RBBP4: variants seen among roughly 807,000 people sequenced by gnomAD.
RBBP4 encodes the protein RB binding protein 4, chromatin remodeling factor, also known as histone-binding protein RBBP4.
A neutral mutation model predicts 57.2 loss-of-function variants in RBBP4; 3 were observed. The ratio of observed to expected loss-of-function variants is 0.05; its 90% confidence interval spans 0.02 to 0.14. The LOEUF (loss-of-function observed/expected upper bound fraction) is 0.14. Ranked by LOEUF, RBBP4 falls within the 10% of genes least tolerant of loss-of-function variation. RBBP4 has a pLI of 1.00. For missense variants in RBBP4, 107 were observed against 520.6 expected, an observed-to-expected ratio of 0.21 and a Z score of 7.73; for synonymous variants, 151 against 171.5, an observed-to-expected ratio of 0.88 and a Z score of 0.93.
intron 1 of RBBP4, 160 bp downstream of exon 1, chr1:32,651,482 G>A (rs1056944130): frequency 3.4e-5 from 47 of 1,363,834 alleles, no homozygotes; most frequent in Admixed American, 1.5e-4. Context: ...CTAACGGCTC[G>A]CCAGTTCCCT....
rs1442680417 is a variant in RBBP4, at chr1:32,682,114, T to G, written c.*2409T>G. 6.2e-6 allele frequency: 3 copies of G among 481,000 alleles called. No individual in the cohort carries two copies. The highest frequency in any genetic ancestry group is 3.7e-5 in the Admixed American group (1 of 27,346). The allele number at this position is 481,000 out of a possible 1,614,324, so 29.8% of individuals were successfully genotyped here. Reference sequence around the variant, plus strand: ...CAATGCCTGAAATTCTGTAGTTTCATTTCTTTGGATTAGTCGTTGTCTTTT... The same window carrying G: ...CAATGCCTGAAATTCTGTAGTTTCAGTTCTTTGGATTAGTCGTTGTCTTTT... On this transcript the variant is annotated 3_prime_UTR_variant, in exon 12 of 12. Transcript: ENST00000373493.
At chr1:32,672,065 C>T (rs1648902285) in intron 8 of RBBP4, among the ~76,000 whole-genome samples, 1 of 152,026 alleles carries the variant, frequency 6.6e-6, no homozygotes, top group Admixed American at 6.6e-5. Flanking sequence ...ACGATCTCAG[C>T]TCCAACCTCT....
intron 3 of RBBP4, among the ~76,000 whole-genome samples, chr1:32,664,697 C>T (rs867143903): frequency 2.6e-5 from 4 of 152,162 alleles, no homozygotes; most frequent in Admixed American, 2.0e-4. Context: ...GTGATCCACC[C>T]GTCTCGGCCT....
intron 2 of RBBP4, 172 bp downstream of exon 2, chr1:32,652,233 T>G (rs2148512182): frequency 1.4e-6 from 1 of 737,584 alleles, no homozygotes; most frequent in African/African-American, 1.8e-5. Context: ...ATTTTGTAAC[T>G]TACCTGACAA....
chr1:32,670,649 T>G (rs569365029), intron 8 of RBBP4, among the ~76,000 whole-genome samples: 1 of 152,250 alleles, frequency 6.6e-6, no homozygotes, highest in African/African-American at 2.4e-5. Flanking sequence ...CTCGGCTCAC[T>G]GCAACCTCCA....
intron 4 of RBBP4, 97 bp downstream of exon 4, chr1:32,668,495 A>G: frequency 7.8e-7 from 1 of 1,282,004 alleles, no homozygotes; most frequent in South Asian, 1.4e-5. Flanking sequence ...TGTGTAATTT[A>G]ACATCTTGTG....
At chr1:32,658,600 G>T (rs1279865286) in intron 3 of RBBP4, among the ~76,000 whole-genome samples, 1 of 148,154 alleles carries the variant, frequency 6.7e-6, no homozygotes, top group Non-Finnish European at 1.5e-5. Flanking sequence ...AGGCTGGAGT[G>T]CAGTGGCGCG....
chr1:32,671,732 CA>C, intron 8 of RBBP4, among the ~76,000 whole-genome samples: 1 of 149,862 alleles, frequency 6.7e-6, no homozygotes, highest in South Asian at 2.1e-4. Context: ...CATCTCTACA[CA>C]AATACAAAAA....
In RBBP4 at chr1:32,669,454, T is replaced by C. The variant is rs749272506; in HGVS notation, c.889-32T>C. 1 of 1,569,470 alleles carries C rather than the reference T, an allele frequency of 6.4e-7. No individual in the cohort carries two copies. Among genetic ancestry groups the C allele is most frequent in the Non-Finnish European group, 8.6e-7 (1 of 1,166,506 alleles). On this transcript the variant is annotated intron_variant, in intron 7 of 11. Transcript: ENST00000373493. This position sits in a 1 kb window ranked among gnomAD's most constrained non-coding sequence, Gnocchi z 4.9. ...ACAGTATTTTTTTTTTCTTAAAAAA[T>C]TGATTACTCTTGCTTTTCTTTTTGT...
Position 32,651,824 on chromosome 1 carries a change from T to G in RBBP4, c.17-90T>G. 2.2e-6 allele frequency: 3 copies of G among 1,381,992 alleles called. No homozygotes were observed. The South Asian group carries it at 4.0e-5, about 18-fold the overall frequency. 85.6% of individuals were successfully genotyped at this position (1,381,992 alleles called of 1,614,324 possible). ...TAGACAAATCACCTCCATTTCATGG[T>G]TAGGCTGTAGGAGTCATGCAGGTGG... On this transcript the variant is annotated intron_variant, in intron 1 of 11. Coordinates refer to ENST00000373493, the MANE Select transcript of RBBP4 (RefSeq NM_005610.3).
At chr1:32,657,184 G>A (rs1468416412) in intron 2 of RBBP4, among the ~76,000 whole-genome samples, 1 of 152,178 alleles carries the variant, frequency 6.6e-6, no homozygotes, top group Non-Finnish European at 1.5e-5. Flanking sequence ...GCTGAGGCAT[G>A]AGAATCGCTT....
At chr1:32,663,983 G>A (rs906007939) in intron 3 of RBBP4, among the ~76,000 whole-genome samples, 3 of 149,550 alleles carry the variant, frequency 2.0e-5, no homozygotes, top group African/African-American at 7.4e-5. Context: ...CTGGTATGCA[G>A]TGGCGCGATC....
chr1:32,661,913 G>A (rs1648434620), intron 3 of RBBP4, among the ~76,000 whole-genome samples: 1 of 62,268 alleles, frequency 1.6e-5, no homozygotes. Context: ...TTTTGAGACA[G>A]TCTTGCTCTA....
intron 2 of RBBP4, among the ~76,000 whole-genome samples, chr1:32,653,281 A>G (rs1365876101): frequency 2.0e-5 from 3 of 152,212 alleles, no homozygotes; most frequent in Non-Finnish European, 4.4e-5. Flanking sequence ...GGGTAAATTT[A>G]GATGATATTA....
rs1647575238 is a variant in RBBP4, at chr1:32,651,275, AC to A, written c.-28del. 6.7e-7 allele frequency: 1 copy of A among 1,500,026 alleles called. No individual in the cohort carries two copies. Among genetic ancestry groups the A allele is most frequent in the Non-Finnish European group, 8.9e-7 (1 of 1,124,896 alleles). The allele number at this position is 1,500,026 out of a possible 1,614,324, so 92.9% of individuals were successfully genotyped here. ...CTCCCCGCCCCTCCCGCAACGCTCG[AC>A]CCCAGGATTCCCCCGGCTCGCCTGC... On this transcript the variant is annotated 5_prime_UTR_variant, in exon 1 of 12. Transcript: ENST00000373493.
At position 32,684,302 on chromosome 1, in the gene RBBP4, C is replaced by G. The variant is rs772980530; in HGVS notation, c.*4597C>G. 10 of 1,614,128 alleles carry G rather than the reference C, an allele frequency of 6.2e-6. No homozygotes were observed. The highest frequency in any genetic ancestry group is 1.6e-4 in the Middle Eastern group (1 of 6,062). ...CAGCAAGACTGAGCCTTAGCTGTTC[C>G]ATCTCTTTGTTCTTCTGTTGCTGGA... On this transcript the variant is annotated 3_prime_UTR_variant, in exon 12 of 12. Transcript: ENST00000373493.
chr1:32,667,465 G>A (rs939456826), intron 3 of RBBP4, among the ~76,000 whole-genome samples: 1 of 152,036 alleles, frequency 6.6e-6, no homozygotes, highest in Admixed American at 6.6e-5. Flanking sequence ...CCCTTGTCTT[G>A]TATGCAATAA....
rs1230647144 is a variant in RBBP4 at position 32,683,012 on chromosome 1, G to A, written c.*3307G>A. ...AGTTAAGTCTGTTTAGGCCAAGCAT[G>A]GTGGCTCACACCTGAAATCCCAGCA... On this transcript the variant is annotated 3_prime_UTR_variant, in exon 12 of 12. Transcript: ENST00000373493. 6.6e-6 allele frequency: 1 copy of A among 152,002 alleles called. No individual in the cohort carries two copies. The highest frequency in any genetic ancestry group is 1.9e-4 in the East Asian group (1 of 5,156). The allele number at this position is 152,002 out of a possible 1,614,324, so 9.4% of individuals were successfully genotyped here.
chr1:32,670,948 C>T (rs546301447), intron 8 of RBBP4, among the ~76,000 whole-genome samples: 1 of 149,480 alleles, frequency 6.7e-6, no homozygotes, highest in Non-Finnish European at 1.5e-5. Context: ...TATCCTTACC[C>T]TATCTCTTTG....
Sources: gnomAD v4.1 joint callset for allele counts (sites outside exome capture counted in the v4.1 genomes callset) on GRCh38, gnomAD v4.1.1 for gene constraint, Gnocchi (gnomAD v3.1) non-coding constraint, MANE v1.5 for transcripts, NCBI Gene and HGNC (gene_info 2026-07-23, HGNC 2026-07-21) for gene names.